Variants in KCNT2 observed in about 807,000 individuals in gnomAD.
The protein encoded by KCNT2 is potassium channel subfamily T member 2.
In KCNT2, 67 loss-of-function variants were observed where a neutral mutation model predicts 153.8. The ratio of observed to expected loss-of-function variants is 0.44; its 90% confidence interval spans 0.36 to 0.53. KCNT2 has a LOEUF of 0.53. Among genes scored for constraint, KCNT2 ranks in the 20% least tolerant of loss-of-function variants. The probability of loss-of-function intolerance (pLI) is 0.00; values close to 1 mark genes in which losing one functional copy is unlikely to be tolerated. For missense variants in KCNT2, 975 were observed against 1,354.8 expected (o/e 0.72, Z 4.40); for synonymous variants, 500 against 458.8 (o/e 1.09, Z -1.15).
At chr1:196,419,929 T>G (rs2148511178) in intron 12 of KCNT2, among the ~76,000 whole-genome samples, 1 of 152,182 alleles carries the variant, frequency 6.6e-6, no homozygotes, top group Admixed American at 6.6e-5. Flanking sequence ...TTGACAATTT[T>G]TGTGTGGAAA....
chr1:196,536,293 G>A (rs115846820), intron 1 of KCNT2, among the ~76,000 whole-genome samples: 281 of 152,346 alleles, frequency 1.8e-3, no homozygotes, highest in African/African-American at 6.1e-3. Context: ...TGACCAAGTA[G>A]TCACTTTTGT....
At chr1:196,375,415 G>T (rs1344375719) in intron 13 of KCNT2, among the ~76,000 whole-genome samples, 2 of 151,676 alleles carry the variant, frequency 1.3e-5, no homozygotes, top group Non-Finnish European at 3.0e-5. Context: ...ATTATCTAGG[G>T]ATGCAACTGC....
intron 14 of KCNT2, among the ~76,000 whole-genome samples, chr1:196,344,759 G>A (rs983878793): frequency 6.6e-5 from 10 of 152,144 alleles, no homozygotes; most frequent in Admixed American, 3.9e-4. Flanking sequence ...GGATGGAATC[G>A]GACTAGGACA....
intron 26 of KCNT2, among the ~76,000 whole-genome samples, chr1:196,250,014 C>T (rs987589950): frequency 2.0e-5 from 3 of 152,028 alleles, no homozygotes; most frequent in South Asian, 4.2e-4. Flanking sequence ...TGTTAAAATG[C>T]CCATACTATC....
intron 14 of KCNT2, among the ~76,000 whole-genome samples, chr1:196,351,451 G>A (rs1333966844): frequency 4.6e-5 from 7 of 151,782 alleles, no homozygotes; most frequent in Non-Finnish European, 7.4e-5. Flanking sequence ...TAAGTATTTT[G>A]TTCTCTTTGA....
chr1:196,361,903 T>G (rs1359677914), intron 14 of KCNT2, among the ~76,000 whole-genome samples: 1 of 96,440 alleles, frequency 1.0e-5, no homozygotes, highest in East Asian at 3.3e-4. Context: ...GTGTGTGTGT[T>G]TGTGAGTGTG....
intron 25 of KCNT2, among the ~76,000 whole-genome samples, chr1:196,276,603 A>C (rs910708817): frequency 1.3e-5 from 2 of 151,898 alleles, no homozygotes; most frequent in Non-Finnish European, 2.9e-5. Context: ...TTTCCTGCAG[A>C]TCATTATTTC....
chr1:196,484,497 T>C (rs1436638493), intron 3 of KCNT2, among the ~76,000 whole-genome samples: 1 of 152,120 alleles, frequency 6.6e-6, no homozygotes, highest in African/African-American at 2.4e-5. Flanking sequence ...CTGATTATAG[T>C]TTCTTTTGAT....
intron 13 of KCNT2, among the ~76,000 whole-genome samples, 191 bp downstream of exon 13, chr1:196,398,372 C>A (rs923432698): frequency 6.6e-6 from 1 of 151,490 alleles, no homozygotes; most frequent in East Asian, 1.9e-4. Flanking sequence ...AAGACTCAAG[C>A]AAAAGTATTA....
intron 1 of KCNT2, among the ~76,000 whole-genome samples, chr1:196,579,462 C>T (rs999683278): frequency 6.6e-6 from 1 of 151,842 alleles, no homozygotes; most frequent in Non-Finnish European, 1.5e-5. Flanking sequence ...GCACATGTAC[C>T]CCTAAACCTA....
At chr1:196,431,262 T>A (rs1674123268) in intron 8 of KCNT2, among the ~76,000 whole-genome samples, 1 of 152,102 alleles carries the variant, frequency 6.6e-6, no homozygotes, top group Non-Finnish European at 1.5e-5. Context: ...AAATTGACAC[T>A]GAGAAATAGG....
chr1:196,238,825 T>A (rs895943053), intron 26 of KCNT2, among the ~76,000 whole-genome samples: 1 of 151,904 alleles, frequency 6.6e-6, no homozygotes, highest in Admixed American at 6.6e-5. Context: ...GAACTTAAAG[T>A]ATAATAATAA....
intron 12 of KCNT2, among the ~76,000 whole-genome samples, chr1:196,407,099 T>A (rs543629414): frequency 3.6e-4 from 54 of 151,580 alleles, no homozygotes; most frequent in Non-Finnish European, 4.7e-4. Context: ...ATAAATTGTA[T>A]ATTTTACTTA....
intron 1 of KCNT2, among the ~76,000 whole-genome samples, chr1:196,493,149 G>A (rs1227724681): frequency 6.6e-6 from 1 of 152,100 alleles, no homozygotes; most frequent in East Asian, 1.9e-4. Flanking sequence ...AAGGTAACTT[G>A]TAAATAATAC....
chr1:196,328,395 C>T (rs1169768687), intron 18 of KCNT2, among the ~76,000 whole-genome samples: 2 of 151,862 alleles, frequency 1.3e-5, no homozygotes, highest in South Asian at 2.1e-4. Context: ...GAATATCTAA[C>T]ATTTATTTAA....
intron 13 of KCNT2, among the ~76,000 whole-genome samples, chr1:196,385,170 A>T (rs1669858077): frequency 6.6e-6 from 1 of 152,166 alleles, no homozygotes; most frequent in Non-Finnish European, 1.5e-5. Flanking sequence ...CTTCTTCAAC[A>T]TCACCAACTT....
intron 21 of KCNT2, among the ~76,000 whole-genome samples, chr1:196,308,067 T>A (rs1275095279): frequency 2.6e-5 from 4 of 152,070 alleles, no homozygotes; most frequent in Non-Finnish European, 2.9e-5. Flanking sequence ...CAAAGCCCTA[T>A]AAACTCATGC....
intron 12 of KCNT2, among the ~76,000 whole-genome samples, chr1:196,406,666 A>G (rs1462719819): frequency 6.6e-6 from 1 of 151,288 alleles, no homozygotes; most frequent in Non-Finnish European, 1.5e-5. Flanking sequence ...GTATGGCTGT[A>G]AATATAATTT....
intron 16 of KCNT2, among the ~76,000 whole-genome samples, chr1:196,337,975 G>A (rs1186555083): frequency 1.3e-5 from 2 of 152,024 alleles, no homozygotes; most frequent in Non-Finnish European, 2.9e-5. Flanking sequence ...TTACACGAGA[G>A]TTCTTGGTAC....
Sources: allele counts gnomAD v4.1 joint callset (sites outside exome capture counted in the v4.1 genomes callset), GRCh38; gene constraint gnomAD v4.1.1; transcripts MANE v1.5; gene names NCBI Gene and HGNC (gene_info 2026-07-23, HGNC 2026-07-21).